EVC2: variants seen among roughly 807,000 people sequenced by gnomAD.
The protein encoded by EVC2 is limbin.
In EVC2, 148 loss-of-function variants were observed where a neutral mutation model predicts 149.3. The observed-to-expected ratio is 0.99, with a 90% CI of 0.87 to 1.14. EVC2 has a LOEUF of 1.14. Ranked by LOEUF, EVC2 falls within the 50% of genes most tolerant of loss-of-function variation. EVC2 has a pLI of 0.00. For synonymous variants in EVC2, 776 were observed against 649.9 expected, an observed-to-expected ratio of 1.19 and a Z score of -2.95; for missense variants, 1,854 against 1,627.3, an observed-to-expected ratio of 1.14 and a Z score of -2.40.
chr4:5,532,602 G>A, the EVC2 span, among the ~76,000 whole-genome samples: 82 of 152,084 alleles, frequency 5.4e-4, no homozygotes, highest in Non-Finnish European at 5.7e-4. Context: ...CCAGCAAGCC[G>A]GGGTCAGTTG....
rs1722543911 is a variant in EVC2 at position 5,569,863 on chromosome 4, T to C, written c.3361-1223A>G. ...TCCAAATACCAAAGCTCCTTCCACG[T>C]CCTGACGCTCCCCATCCATGGCCTC... On this transcript the variant is annotated intron_variant, in intron 19 of 21. Coordinates refer to ENST00000344408, the MANE Select transcript of EVC2 (RefSeq NM_147127.5). This position sits in a 1 kb window ranked among gnomAD's most constrained non-coding sequence, Gnocchi z 4.8. 1.3e-5 allele frequency among the ~76,000 whole-genome samples: 2 copies of C among 152,086 alleles called. No individual in the cohort carries two copies. The highest frequency in any genetic ancestry group is 4.2e-4 in the South Asian group (2 of 4,818).
intron 7 of EVC2, among the ~76,000 whole-genome samples, chr4:5,667,623 T>C (rs537428027): frequency 1.3e-5 from 2 of 152,266 alleles, no homozygotes; most frequent in South Asian, 2.1e-4. Flanking sequence ...AAGGGAAGAA[T>C]GGAGTAAAGC....
At position 5,694,385 on chromosome 4, in the gene EVC2, AG is replaced by A. The variant is rs1466042211; in HGVS notation, c.399del (p.Trp134GlyfsTer13). The part of the protein sequence containing the change: ...WAHSLFAFIP[S>X]WPKKNLFKRE... The stretch of plus-strand genomic sequence containing the variant: ...CTTTTAAATAAGTTCTTCTTAGGCC[AG>A]GAGGGTATAAAAGCAAATAAGGAAT... On this transcript the variant is annotated frameshift_variant, in exon 3 of 22. Transcript: ENST00000344408. LOFTEE classifies it high-confidence loss of function. The A allele has an allele frequency of 6.2e-7, 1 of 1,614,186 alleles. No individual in the cohort carries two copies.
intron 17 of EVC2, among the ~76,000 whole-genome samples, chr4:5,580,218 A>C (rs968855092): frequency 3.9e-5 from 6 of 152,256 alleles, no homozygotes; most frequent in African/African-American, 1.4e-4. Context: ...AAATTGCAGA[A>C]TGCAAGTCTA....
chr4:5,669,386 T>C (rs1258182666), intron 7 of EVC2, among the ~76,000 whole-genome samples: 1 of 152,242 alleles, frequency 6.6e-6, no homozygotes, highest in African/African-American at 2.4e-5. Flanking sequence ...AAAAAATTAA[T>C]TGATGTCCAC....
In EVC2 at chr4:5,568,544, G is replaced by A; in HGVS notation, c.3457C>T (p.Pro1153Ser). 6.2e-7 allele frequency: 1 copy of A among 1,602,936 alleles called. No individual in the cohort carries two copies. The highest frequency in any genetic ancestry group is 8.5e-7 in the Non-Finnish European group (1 of 1,178,610). The change falls in exon 20 of 22, where the codon CCT becomes TCT. Residue 1153 changes from proline (P) to serine (S), a missense_variant. Transcript: ENST00000344408. ...GAATCCAGCAGGGCCAGCAGCTGAGGCTGTGAGGCTGTGGGCAGTACCACA... is the reference window on the plus strand; with the variant it reads ...GAATCCAGCAGGGCCAGCAGCTGAGACTGTGAGGCTGTGGGCAGTACCACA... The part of the protein sequence containing the change: ...LSVVLPTASQ[P>S]QLLALLDSAT...
Position 5,683,098 on chromosome 4 carries a change from C to T in EVC2, c.817-1785G>A, listed in dbSNP as rs181479618. ...CCAGCAGGCAACCTCATGGAGGCTT[C>T]AGCGAAAATCAAAATACCGTAAGTC... On this transcript the variant is annotated intron_variant, in intron 6 of 21. Transcript: ENST00000344408. Among the ~76,000 whole-genome samples, 44 of 152,332 alleles carry T rather than the reference C, an allele frequency of 2.9e-4. 1 individual carries two copies. The highest frequency in any genetic ancestry group is 5.4e-4 in the Non-Finnish European group (37 of 68,036).
chr4:5,673,109 T>C (rs1403540283), intron 7 of EVC2, among the ~76,000 whole-genome samples: 4 of 152,200 alleles, frequency 2.6e-5, no homozygotes, highest in Non-Finnish European at 5.9e-5. Flanking sequence ...TAACTGTCAA[T>C]AACAGTAAAT....
chr4:5,649,114 T>C (rs1717932479), intron 9 of EVC2, among the ~76,000 whole-genome samples: 1 of 152,226 alleles, frequency 6.6e-6, no homozygotes, highest in South Asian at 2.1e-4. Context: ...CATTTTGGGT[T>C]ACACATGCTG....
chr4:5,577,646 T>A (rs1723011086), intron 17 of EVC2, among the ~76,000 whole-genome samples: 1 of 152,104 alleles, frequency 6.6e-6, no homozygotes, highest in Non-Finnish European at 1.5e-5. Context: ...TCAAGAACCA[T>A]GACAGAAGAA....
intron 16 of EVC2, 78 bp from the exon 17 acceptor site, chr4:5,584,928 G>C: frequency 6.7e-7 from 1 of 1,485,802 alleles, no homozygotes; most frequent in Non-Finnish European, 9.3e-7. Flanking sequence ...CAGCCTTTCA[G>C]AGTTCACAGA....
At chr4:5,675,097 G>T (rs1310824836) in intron 7 of EVC2, among the ~76,000 whole-genome samples, 2 of 152,314 alleles carry the variant, frequency 1.3e-5, no homozygotes, top group African/African-American at 4.8e-5. Context: ...ATCATAGATA[G>T]CTACCTATTG....
At chr4:5,691,533 T>C (rs909505848) in intron 3 of EVC2, among the ~76,000 whole-genome samples, 200 bp from the exon 4 acceptor site, 2 of 152,242 alleles carry the variant, frequency 1.3e-5, no homozygotes, top group East Asian at 3.8e-4. Context: ...AATGTGGACA[T>C]GAGCTTACAC....
chr4:5,665,675 T>C (rs1360922259), intron 7 of EVC2, 26 bp from the exon 8 acceptor site: 1 of 1,613,088 alleles, frequency 6.2e-7, no homozygotes, highest in Admixed American at 1.7e-5. Flanking sequence ...GAGAGCAGGA[T>C]TCATGTGTGG....
chr4:5,619,924 T>C (rs1715557793), intron 14 of EVC2, among the ~76,000 whole-genome samples: 1 of 152,356 alleles, frequency 6.6e-6, no homozygotes, highest in Admixed American at 6.5e-5. Flanking sequence ...CATTGACCGA[T>C]GCTTTAAAAT....
rs75286260 is a variant in EVC2, at chr4:5,677,717, G to T, written c.870+3543C>A. ...CTGAGCAGCAATCATCGTCATTGAC[G>T]ACAATAAGCTCAATCACGGGATATT... On this transcript the variant is annotated intron_variant, in intron 7 of 21. Coordinates refer to ENST00000344408, the MANE Select transcript of EVC2 (RefSeq NM_147127.5). The surrounding 1 kb of genome is among the most constrained non-coding windows in gnomAD (Gnocchi z 4.3). 6.6e-6 allele frequency among the ~76,000 whole-genome samples: 1 copy of T among 152,136 alleles called. No individual in the cohort carries two copies. Among genetic ancestry groups the T allele is most frequent in the Non-Finnish European group, 1.5e-5 (1 of 68,028 alleles).
intron 16 of EVC2, among the ~76,000 whole-genome samples, chr4:5,590,632 T>G (rs1201046581): frequency 1.3e-5 from 2 of 151,984 alleles, no homozygotes; most frequent in African/African-American, 2.4e-5. Flanking sequence ...GACCACAGAG[T>G]GGTTCAGGAC....
chr4:5,577,182 G>T (rs1722984551), intron 17 of EVC2, among the ~76,000 whole-genome samples: 1 of 152,230 alleles, frequency 6.6e-6, no homozygotes, highest in South Asian at 2.1e-4. Flanking sequence ...AAATTAATTT[G>T]TCAGATGATG....
At chr4:5,646,500 T>C (rs1045401230) in intron 9 of EVC2, among the ~76,000 whole-genome samples, 6 of 152,190 alleles carry the variant, frequency 3.9e-5, no homozygotes, top group Non-Finnish European at 8.8e-5. Flanking sequence ...ATGCACATTG[T>C]CTATCATTTC....
Sources: gnomAD v4.1 joint callset for allele counts (sites outside exome capture counted in the v4.1 genomes callset) on GRCh38, gnomAD v4.1.1 for gene constraint, Gnocchi (gnomAD v3.1) non-coding constraint, MANE v1.5 for transcripts, NCBI Gene and HGNC (gene_info 2026-07-23, HGNC 2026-07-21) for gene names.